Variants in TRIM35 observed in about 807,000 individuals in gnomAD.
The protein encoded by TRIM35 is tripartite motif containing 35, also known as E3 ubiquitin-protein ligase TRIM35.
TRIM35 carries 37 observed loss-of-function variants against 49.1 expected under a neutral mutation model. The observed-to-expected ratio is 0.75, with a 90% confidence interval of 0.58 to 0.99. TRIM35 has a LOEUF of 0.99. Ranked by LOEUF, TRIM35 falls within the 50% of genes least tolerant of loss-of-function variation. TRIM35 has a pLI of 0.00. For missense variants in TRIM35, 648 were observed against 702.7 expected, an observed-to-expected ratio of 0.92 and a Z score of 0.88; for synonymous variants, 302 against 289.3, an observed-to-expected ratio of 1.04 and a Z score of -0.45.
chr8:27,307,477 G>A lies in TRIM35; in HGVS notation c.435+3324C>T, dbSNP rs542206807. Among the ~76,000 whole-genome samples the A allele has an allele frequency of 6.6e-5, 10 of 152,228 alleles. No individual in the cohort carries two copies. In the East Asian group the frequency reaches 1.9e-3, roughly 29 times the overall value. ...ACAATCTCCCACCACATCCTGTACTGTCCTTCACAGGAATGTTGAGCTGAA... is the reference window on the plus strand; with the variant it reads ...ACAATCTCCCACCACATCCTGTACTATCCTTCACAGGAATGTTGAGCTGAA... On this transcript the variant is annotated intron_variant, in intron 1 of 5. Transcript: ENST00000305364.
At chr8:27,306,509 A>G (rs575109429) in intron 1 of TRIM35, among the ~76,000 whole-genome samples, 11 of 152,108 alleles carry the variant, frequency 7.2e-5, no homozygotes, top group African/African-American at 2.7e-4. Context: ...CATTTTTAGT[A>G]GAGATGGGGT....
intron 4 of TRIM35, 50 bp from the exon 5 acceptor site, chr8:27,289,330 G>C (rs1242060180): frequency 6.9e-7 from 1 of 1,457,720 alleles, no homozygotes; most frequent in East Asian, 2.3e-5. Context: ...CATGCAACCT[G>C]GGCCGAACTG....
At chr8:27,288,523 T>C (rs986863094) in intron 5 of TRIM35, among the ~76,000 whole-genome samples, 2 of 151,976 alleles carry the variant, frequency 1.3e-5, no homozygotes, top group African/African-American at 4.8e-5. Context: ...AGGCCAAGAA[T>C]GGCCAGGAGA....
At position 27,308,742 on chromosome 8, in the gene TRIM35, TCTC is replaced by T. The variant is rs1242372789; in HGVS notation, c.435+2056_435+2058del. ...GCTGACCACACCTGGCTCTCATTCT[TCTC>T]AGATCCATTTGGGACTAGACTACTC... is the stretch of plus-strand genomic sequence containing the variant. On this transcript the variant is annotated intron_variant, in intron 1 of 5. Transcript: ENST00000305364. Among the ~76,000 whole-genome samples, 3 of 152,180 alleles carry T rather than the reference TCTC, an allele frequency of 2.0e-5. No homozygotes were observed. In the East Asian group the frequency reaches 5.8e-4, roughly 29 times the overall value.
Position 27,287,904 on chromosome 8 carries a change from G to A in TRIM35, c.1128C>T (p.Arg376=). Residue 376 remains arginine (R), a synonymous_variant, in exon 6 of 6, where the codon CGC becomes CGT. Coordinates refer to ENST00000305364, the MANE Select transcript of TRIM35 (RefSeq NM_171982.5). This position sits in a 1 kb window ranked among gnomAD's most constrained non-coding sequence, Gnocchi z 6.0. ...QSWRVGVVRV[R]QDSGAEGHSH... ...AGTGGCCCTCAGCGCCCGAGTCCTG[G>A]CGCACACGTACCACGCCCACCCTCC... The A allele has an allele frequency of 1.2e-6, 2 of 1,613,116 alleles. No individual in the cohort carries two copies. Among genetic ancestry groups the A allele is most frequent in the South Asian group, 1.1e-5 (1 of 91,074 alleles).
intron 1 of TRIM35, among the ~76,000 whole-genome samples, chr8:27,302,799 A>G (rs1200804299): frequency 6.6e-6 from 1 of 152,240 alleles, no homozygotes; most frequent in East Asian, 1.9e-4. Flanking sequence ...ATTAATACTT[A>G]TGATTTAACT....
chr8:27,294,749 C>T (rs938861465), intron 2 of TRIM35, among the ~76,000 whole-genome samples: 5 of 152,120 alleles, frequency 3.3e-5, no homozygotes, highest in African/African-American at 1.2e-4. Context: ...ACCAAAAGAG[C>T]AGTAGGAAGC....
intron 2 of TRIM35, among the ~76,000 whole-genome samples, chr8:27,295,070 C>T (rs556655760): frequency 6.6e-6 from 1 of 152,116 alleles, no homozygotes; most frequent in African/African-American, 2.4e-5. Flanking sequence ...GTGATCTGCC[C>T]GCCTCGGCCT....
chr8:27,295,848 T>C (rs1802555261), intron 2 of TRIM35, among the ~76,000 whole-genome samples: 1 of 151,656 alleles, frequency 6.6e-6, no homozygotes, highest in Non-Finnish European at 1.5e-5. Context: ...TTGAGAATGA[T>C]CCACTCAAAA....
rs145354358 is a variant in TRIM35, at chr8:27,298,354, C to G, written c.531+110G>C. The G allele has an allele frequency of 2.4e-4, 243 of 1,007,316 alleles. 1 individual carries two copies. In the East Asian group the frequency reaches 3.6e-3, roughly 15 times the overall value. The allele number at this position is 1,007,316 out of a possible 1,614,324, so 62.4% of individuals were successfully genotyped here. ...GACCATCAGAGGTAAGGCAGCCGAC[C>G]TCTACCCAGCGGGTTATGTGAGCCA... On this transcript the variant is annotated intron_variant, in intron 2 of 5. Coordinates refer to ENST00000305364, the MANE Select transcript of TRIM35 (RefSeq NM_171982.5).
At chr8:27,305,192 T>C (rs1802759368) in intron 1 of TRIM35, among the ~76,000 whole-genome samples, 2 of 152,268 alleles carry the variant, frequency 1.3e-5, no homozygotes, top group Non-Finnish European at 1.5e-5. Flanking sequence ...AAGTGCCACC[T>C]ACATGCCAGG....
intron 1 of TRIM35, among the ~76,000 whole-genome samples, chr8:27,301,957 G>C (rs1802690718): frequency 6.6e-6 from 1 of 152,156 alleles, no homozygotes; most frequent in African/African-American, 2.4e-5. Flanking sequence ...GGTCTGCAGA[G>C]CCACCTCTGT....
At chr8:27,304,849 C>G (rs566511450) in intron 1 of TRIM35, 27 of 455,868 alleles carry the variant, frequency 5.9e-5, no homozygotes, top group South Asian at 4.2e-4. Context: ...AGTTCCTTCT[C>G]TCTTCGGCTA....
At chr8:27,291,909 A>C (rs1384338996) in intron 3 of TRIM35, among the ~76,000 whole-genome samples, 2 of 152,086 alleles carry the variant, frequency 1.3e-5, no homozygotes, top group Non-Finnish European at 2.9e-5. Flanking sequence ...TCAATAACTA[A>C]CCCACTCTGC....
At chr8:27,294,980 G>A (rs35988873) in intron 2 of TRIM35, among the ~76,000 whole-genome samples, 52,217 of 151,836 alleles carry the variant, frequency 0.34, 10,751 homozygotes, top group Non-Finnish European at 0.46. Context: ...ACGCCACCAC[G>A]CCCAGCTAAT....
intron 1 of TRIM35, chr8:27,304,834 T>C: frequency 2.2e-6 from 1 of 456,478 alleles, no homozygotes; most frequent in South Asian, 1.6e-5. Context: ...GGTGAGTTGG[T>C]AAAAAGTTCC....
At position 27,288,150 on chromosome 8, in the gene TRIM35, G is replaced by A. The variant is rs548700737; in HGVS notation, c.905-23C>T. 18 of 1,585,216 alleles carry A rather than the reference G, an allele frequency of 1.1e-5. 1 individual carries two copies. The South Asian group carries it at 2.0e-4, about 18-fold the overall frequency. On this transcript the variant is annotated intron_variant, in intron 5 of 5. Transcript: ENST00000305364. The stretch of plus-strand genomic sequence containing the variant: ...GTACTGCAAGCAGAGGCGGAAATGG[G>A]GAATCAGCAAACCTGAGGTCCCTTA...
intron 4 of TRIM35, among the ~76,000 whole-genome samples, chr8:27,289,814 T>C (rs955796451): frequency 2.6e-5 from 4 of 152,096 alleles, no homozygotes; most frequent in Non-Finnish European, 5.9e-5. Context: ...GGCCTAAGGC[T>C]CTCAGAGGGA....
intron 1 of TRIM35, 147 bp downstream of exon 1, chr8:27,310,654 C>T (rs1802912014): frequency 1.1e-6 from 1 of 918,132 alleles, no homozygotes; most frequent in Admixed American, 2.9e-5. Flanking sequence ...CCCTGAGAAC[C>T]TGGGTCGGAG....
Sources: allele counts gnomAD v4.1 joint callset (sites outside exome capture counted in the v4.1 genomes callset), GRCh38; gene constraint gnomAD v4.1.1; non-coding constraint Gnocchi (gnomAD v3.1); transcripts MANE v1.5; gene names NCBI Gene and HGNC (gene_info 2026-07-23, HGNC 2026-07-21).